EHBP1: variants seen among roughly 807,000 people sequenced by gnomAD.
EHBP1 encodes the protein EH domain-binding protein 1.
In EHBP1, 55 loss-of-function variants were observed where a neutral mutation model predicts 144.0. The observed-to-expected ratio is 0.38, with a 90% CI of 0.31 to 0.48. The LOEUF (loss-of-function observed/expected upper bound fraction) is 0.48, where lower values mean the gene tolerates loss of function less well. Among genes scored for constraint, EHBP1 ranks in the 20% least tolerant of loss-of-function variants. EHBP1 has a pLI of 0.98. For missense variants in EHBP1, 1,200 were observed against 1,364.2 expected, an observed-to-expected ratio of 0.88 and a Z score of 1.90; for synonymous variants, 469 against 472.7, an observed-to-expected ratio of 0.99 and a Z score of 0.10.
chr2:62,848,485 A>G (rs2048453579), intron 7 of EHBP1, among the ~76,000 whole-genome samples: 1 of 152,200 alleles, frequency 6.6e-6, no homozygotes, highest in Admixed American at 6.5e-5. Flanking sequence ...TTGCACAAAG[A>G]TATTCATAGC....
chr2:62,997,513 ATAAAT>A (rs777305662), intron 19 of EHBP1, among the ~76,000 whole-genome samples: 10 of 151,578 alleles, frequency 6.6e-5, no homozygotes, highest in East Asian at 3.9e-4. Flanking sequence ...AAAATGTGAA[ATAAAT>A]TAAATCATTC....
At chr2:62,859,313 T>C (rs1170731910) in intron 8 of EHBP1, 22 bp downstream of exon 8, 4 of 1,592,014 alleles carry the variant, frequency 2.5e-6, no homozygotes, top group Non-Finnish European at 3.4e-6. Context: ...TTCTGTAATT[T>C]TAAAGTCTTT....
chr2:62,800,246 AT>A (rs1436748286), intron 5 of EHBP1, among the ~76,000 whole-genome samples: 7 of 152,334 alleles, frequency 4.6e-5, no homozygotes, highest in African/African-American at 1.7e-4. Flanking sequence ...CTTGAAAAAA[AT>A]CTCATCTACC....
intron 1 of EHBP1, among the ~76,000 whole-genome samples, chr2:62,700,460 T>C (rs1229372962): frequency 6.6e-6 from 1 of 152,190 alleles, no homozygotes; most frequent in African/African-American, 2.4e-5. Context: ...ATTTAATCCT[T>C]GCTTCTCATC....
intron 5 of EHBP1, among the ~76,000 whole-genome samples, chr2:62,805,368 T>C (rs1157317740): frequency 6.6e-6 from 1 of 151,888 alleles, no homozygotes; most frequent in African/African-American, 2.4e-5. Context: ...ATCCAGTTTC[T>C]TAAAAATAAA....
intron 19 of EHBP1, among the ~76,000 whole-genome samples, chr2:63,030,488 T>C (rs528252284): frequency 6.6e-6 from 1 of 152,066 alleles, no homozygotes; most frequent in Non-Finnish European, 1.5e-5. Context: ...TCCACTTCCA[T>C]TTTTTTTCTT....
intron 3 of EHBP1, among the ~76,000 whole-genome samples, chr2:62,753,472 T>G (rs2039954738): frequency 6.6e-6 from 1 of 152,128 alleles, no homozygotes. Flanking sequence ...GTCTGACAAT[T>G]ATATGTCTTG....
chr2:62,944,619 T>C (rs2056959612), intron 12 of EHBP1, among the ~76,000 whole-genome samples: 1 of 152,202 alleles, frequency 6.6e-6, no homozygotes, highest in African/African-American at 2.4e-5. Flanking sequence ...CACATGACTA[T>C]ATTTTCCCAC....
chr2:62,830,914 T>C (rs967373964), intron 6 of EHBP1, 105 bp from the exon 7 acceptor site: 15 of 1,188,490 alleles, frequency 1.3e-5, no homozygotes, highest in East Asian at 5.2e-5. Context: ...GAAAGACTTA[T>C]TGACATACCT....
chr2:62,783,680 G>A (rs942610430), intron 5 of EHBP1, among the ~76,000 whole-genome samples: 4 of 152,254 alleles, frequency 2.6e-5, no homozygotes, highest in African/African-American at 9.6e-5. Flanking sequence ...CAAGTCCCAA[G>A]GCTGCACACA....
intron 2 of EHBP1, among the ~76,000 whole-genome samples, chr2:62,710,031 A>G (rs896513287): frequency 6.6e-6 from 1 of 152,138 alleles, no homozygotes; most frequent in Non-Finnish European, 1.5e-5. Context: ...TCATTTAATT[A>G]TTAAATGATG....
chr2:62,886,357 A>G (rs1269596426), intron 10 of EHBP1, among the ~76,000 whole-genome samples: 2 of 152,260 alleles, frequency 1.3e-5, no homozygotes, highest in Non-Finnish European at 2.9e-5. Context: ...AGTTTTTAAA[A>G]GAAAATTTAA....
intron 7 of EHBP1, among the ~76,000 whole-genome samples, chr2:62,831,958 T>A (rs1379441090): frequency 6.6e-6 from 1 of 152,206 alleles, no homozygotes; most frequent in Non-Finnish European, 1.5e-5. Flanking sequence ...CATGGATCAC[T>A]CATTTAACTA....
intron 1 of EHBP1, among the ~76,000 whole-genome samples, chr2:62,695,935 A>G (rs2034072028): frequency 6.6e-6 from 1 of 151,668 alleles, no homozygotes. Flanking sequence ...CTGGTCTCAA[A>G]CTCCTGAGCT....
chr2:62,729,548 T>C (rs1159686472), intron 2 of EHBP1, among the ~76,000 whole-genome samples: 3 of 121,306 alleles, frequency 2.5e-5, no homozygotes, highest in Non-Finnish European at 4.8e-5. Context: ...ATATATATTA[T>C]ATATAATATA....
At chr2:62,722,147 TG>T (rs1035767089) in intron 2 of EHBP1, among the ~76,000 whole-genome samples, 2 of 152,136 alleles carry the variant, frequency 1.3e-5, no homozygotes, top group African/African-American at 4.8e-5. Flanking sequence ...TTTTTTTTTT[TG>T]AGACAGAGTC....
In EHBP1 at chr2:62,681,544, G is replaced by A. The variant is rs1469899854; in HGVS notation, c.-296+7461G>A. Among the ~76,000 whole-genome samples the A allele has an allele frequency of 2.0e-5, 3 of 151,764 alleles. No individual in the cohort carries two copies. In the East Asian group the frequency reaches 5.8e-4, roughly 29 times the overall value. On this transcript the variant is annotated intron_variant, in intron 1 of 22. Coordinates refer to the EHBP1 transcript ENST00000405015. ...TGAGAGGCTTGATGATCTGAAGCCT[G>A]ACAAATTTATTTGCAGAAAATCTGG...
intron 12 of EHBP1, among the ~76,000 whole-genome samples, chr2:62,947,421 G>C (rs2057128993): frequency 6.6e-6 from 1 of 152,068 alleles, no homozygotes; most frequent in East Asian, 1.9e-4. Context: ...CCTTAATCTA[G>C]GTTGCTAAAA....
intron 5 of EHBP1, among the ~76,000 whole-genome samples, chr2:62,798,046 T>C (rs2043669265): frequency 6.6e-6 from 1 of 152,094 alleles, no homozygotes; most frequent in Non-Finnish European, 1.5e-5. Context: ...GAAATATAAG[T>C]AGAATTGAAA....
Sources: gnomAD v4.1 joint callset for allele counts (sites outside exome capture counted in the v4.1 genomes callset) on GRCh38, gnomAD v4.1.1 for gene constraint, MANE v1.5 for transcripts, NCBI Gene and HGNC (gene_info 2026-07-23, HGNC 2026-07-21) for gene names.